Variants in NAV2 observed in about 807,000 individuals in gnomAD.
NAV2 encodes the protein helicase, APC down-regulated 1.
NAV2 carries 54 observed loss-of-function variants against 223.2 expected under a neutral mutation model. The ratio of observed to expected loss-of-function variants is 0.24; its 90% CI spans 0.19 to 0.30. The LOEUF is 0.30. Among genes scored for constraint, NAV2 ranks in the 10% least tolerant of loss-of-function variants. NAV2 has a pLI of 1.00. For missense variants in NAV2, 2,806 were observed against 3,147.5 expected, an observed-to-expected ratio of 0.89 and a Z score of 2.60; for synonymous variants, 1,279 against 1,239.3, an observed-to-expected ratio of 1.03 and a Z score of -0.67.
At chr11:19,877,284 T>C (rs535200089) in intron 4 of NAV2, among the ~76,000 whole-genome samples, 19 of 152,138 alleles carry the variant, frequency 1.2e-4, no homozygotes, top group African/African-American at 3.9e-4. Flanking sequence ...ATAGCTCTTA[T>C]TGTTATAAAC....
chr11:19,767,724 C>T (rs968554830), intron 1 of NAV2, among the ~76,000 whole-genome samples: 2 of 152,182 alleles, frequency 1.3e-5, no homozygotes, highest in African/African-American at 4.8e-5. Flanking sequence ...GCGAGCAGGG[C>T]ATGAAAAATT....
chr11:19,804,863 G>C (rs944917445), intron 1 of NAV2, among the ~76,000 whole-genome samples: 1 of 152,206 alleles, frequency 6.6e-6, no homozygotes, highest in Admixed American at 6.5e-5. Context: ...GTGCTTTTGA[G>C]AAACCCGTAG....
At chr11:19,700,803 T>C (rs1475111467) in intron 1 of NAV2, among the ~76,000 whole-genome samples, 3 of 152,260 alleles carry the variant, frequency 2.0e-5, no homozygotes, top group Admixed American at 6.5e-5. Context: ...GATGTGGTTA[T>C]GTAATTACAA....
chr11:19,570,185 C>T (rs2045385121), intron 1 of NAV2, among the ~76,000 whole-genome samples: 1 of 152,184 alleles, frequency 6.6e-6, no homozygotes, highest in Non-Finnish European at 1.5e-5. Flanking sequence ...GGCTCCGGAG[C>T]TGAAGACACA....
chr11:19,890,662 C>T (rs995796287), intron 5 of NAV2, among the ~76,000 whole-genome samples: 6 of 152,200 alleles, frequency 3.9e-5, no homozygotes, highest in African/African-American at 2.4e-5. Context: ...AGATCTTCAC[C>T]TGCAGAAGCT....
intron 1 of NAV2, among the ~76,000 whole-genome samples, chr11:19,412,208 G>A (rs1412843810): frequency 6.6e-6 from 1 of 152,224 alleles, no homozygotes; most frequent in Non-Finnish European, 1.5e-5. Context: ...GCAGTCTGAA[G>A]TTGACCTGGG....
intron 12 of NAV2, among the ~76,000 whole-genome samples, chr11:20,038,268 G>A (rs865985033): frequency 4.8e-4 from 73 of 152,230 alleles, no homozygotes; most frequent in African/African-American, 1.6e-3. Flanking sequence ...GCACAAACAT[G>A]CCTTTTGATC....
intron 10 of NAV2, among the ~76,000 whole-genome samples, chr11:19,981,655 T>C (rs2050298614): frequency 6.6e-6 from 1 of 152,224 alleles, no homozygotes; most frequent in African/African-American, 2.4e-5. Context: ...TTTGAAGAGC[T>C]TCCACTGAGT....
At chr11:20,083,908 A>G (rs182411367) in intron 26 of NAV2, among the ~76,000 whole-genome samples, 2 of 152,308 alleles carry the variant, frequency 1.3e-5, no homozygotes, top group African/African-American at 2.4e-5. Context: ...CCCTAAGTCC[A>G]CTTAACCAGC....
intron 1 of NAV2, among the ~76,000 whole-genome samples, chr11:19,683,736 T>C (rs2048939193): frequency 6.6e-6 from 1 of 152,224 alleles, no homozygotes. Context: ...GACCAGGACA[T>C]GAGCAAGTCA....
intron 7 of NAV2, among the ~76,000 whole-genome samples, chr11:19,934,743 A>T (rs11025329): frequency 6.6e-6 from 1 of 151,974 alleles, no homozygotes; most frequent in South Asian, 2.1e-4. Context: ...TTGAACATCC[A>T]GATCCTCACA....
chr11:19,690,012 C>A (rs1488599016), intron 1 of NAV2, among the ~76,000 whole-genome samples: 1 of 152,104 alleles, frequency 6.6e-6, no homozygotes, highest in Admixed American at 6.5e-5. Flanking sequence ...CTCCTGTTAC[C>A]CAGGCTGGAG....
rs1221334182 is a variant in NAV2 at position 19,977,798 on chromosome 11, CTTTTTTTTT to C, written c.2646-6312_2646-6304del. On this transcript the variant is annotated intron_variant, in intron 10 of 37. Transcript: ENST00000349880. ...TCTTTTCAGAGAGGTCAACTTTTTT[CTTTTTTTTT>C]TTTTTTTTTTTTTTGAGACAGGGTT... Among the ~76,000 whole-genome samples the C allele has an allele frequency of 1.6e-3, 149 of 90,790 alleles. 1 individual carries two copies. Among genetic ancestry groups the C allele is most frequent in the African/African-American group, 5.6e-3 (134 of 24,000 alleles). The allele number at this position is 90,790 out of a possible 152,430, so 59.6% of individuals were successfully genotyped here. A position where few individuals can be genotyped will look rare whatever the true frequency, so the allele number is the denominator to read the frequency against.
At chr11:19,651,847 ACAGGGCAGATGGCAGCCTTGACAGATGG>A (rs1322520168) in intron 1 of NAV2, among the ~76,000 whole-genome samples, 3 of 152,236 alleles carry the variant, frequency 2.0e-5, no homozygotes, top group Admixed American at 6.5e-5. Flanking sequence ...CATAGCAAAG[ACAGGGCAGATGGCAGCCTTGACAGATGG>A]CATCTGTTTC....
intron 1 of NAV2, among the ~76,000 whole-genome samples, chr11:19,414,964 A>G (rs1026370439): frequency 1.3e-5 from 2 of 152,226 alleles, no homozygotes; most frequent in Non-Finnish European, 2.9e-5. Context: ...AGGGAAATTT[A>G]TAGTACTAAA....
intron 1 of NAV2, among the ~76,000 whole-genome samples, chr11:19,822,126 T>G (rs1236999864): frequency 3.3e-5 from 5 of 152,230 alleles, no homozygotes; most frequent in Non-Finnish European, 7.3e-5. Flanking sequence ...TAATCACAGC[T>G]AACCTGTTGA....
At chr11:19,879,748 A>G (rs976374322) in intron 4 of NAV2, 121 bp from the exon 5 acceptor site, 50 of 1,127,000 alleles carry the variant, frequency 4.4e-5, no homozygotes, top group African/African-American at 6.2e-5. Context: ...TGTGATACCA[A>G]TGAAGTGTTC....
Position 20,045,631 on chromosome 11 carries a change from G to A in NAV2, c.3863G>A (p.Gly1288Glu). Residue 1288 changes from glycine to glutamate, a missense_variant, in exon 14 of 38, where the codon GGA (glycine) becomes GAA (glutamate). This residue lies in a region of NAV2 where 742 missense variants were observed against 777.9 expected (regional missense o/e 0.95). Coordinates refer to ENST00000349880, the MANE Select transcript of NAV2 (RefSeq NM_145117.5). ...SSPAQTSLQPGAKYPDVASPT... is the reference protein window; with the variant it reads ...SSPAQTSLQPEAKYPDVASPT... ...CCGGCTCAGACCAGTCTCCAGCCTG[G>A]AGCCAAGTACCCAGATGTGGCCTCT... 1 of 1,614,194 alleles carries A rather than the reference G, an allele frequency of 6.2e-7. No homozygotes were observed. The highest frequency in any genetic ancestry group is 8.5e-7 in the Non-Finnish European group (1 of 1,180,024).
intron 1 of NAV2, among the ~76,000 whole-genome samples, chr11:19,594,428 CTT>C (rs77892048): frequency 2.3e-4 from 31 of 135,730 alleles, no homozygotes; most frequent in Admixed American, 5.9e-4. Context: ...ACTTCGGGGA[CTT>C]TTTTTTTTTT....
Sources: gnomAD v4.1 joint callset for allele counts (sites outside exome capture counted in the v4.1 genomes callset) on GRCh38, gnomAD v4.1.1 for gene constraint, gnomAD v4.1.1 regional missense constraint, MANE v1.5 for transcripts, NCBI Gene and HGNC (gene_info 2026-07-23, HGNC 2026-07-21) for gene names.